The following ZBTB20 variants were observed in gnomAD, a reference collection of about 807,000 sequenced individuals.
The protein encoded by ZBTB20 is zinc finger and BTB domain-containing protein 20.
ZBTB20 carries 9 observed loss-of-function variants against 56.9 expected under a neutral mutation model. The observed-to-expected ratio is 0.16, with a 90% CI of 0.10 to 0.28. ZBTB20 has a LOEUF of 0.28. ZBTB20 is among the 10% of genes least tolerant of loss of function. ZBTB20 has a pLI of 1.00. For missense variants in ZBTB20, 655 were observed against 1,003.0 expected (o/e 0.65, Z 4.69); for synonymous variants, 417 against 420.7 (o/e 0.99, Z 0.11).
chr3:115,006,757 A>G (rs2079490097), intron 2 of ZBTB20, among the ~76,000 whole-genome samples: 1 of 151,756 alleles, frequency 6.6e-6, no homozygotes, highest in South Asian at 2.1e-4. Flanking sequence ...GGAGGAACTA[A>G]GTACCTTTTA....
intron 5 of ZBTB20, among the ~76,000 whole-genome samples, chr3:114,790,618 C>G (rs1366986706): frequency 6.7e-6 from 1 of 148,892 alleles, no homozygotes; most frequent in African/African-American, 2.5e-5. Flanking sequence ...ACAAATTTTA[C>G]TAAAAGTATT....
chr3:114,652,448 A>G (rs2060185143), intron 6 of ZBTB20, among the ~76,000 whole-genome samples: 1 of 152,076 alleles, frequency 6.6e-6, no homozygotes. Flanking sequence ...TTACAAATAA[A>G]GTCAGTATAA....
chr3:114,501,352 C>T (rs1457924532), intron 6 of ZBTB20, among the ~76,000 whole-genome samples: 7 of 152,126 alleles, frequency 4.6e-5, no homozygotes, highest in Non-Finnish European at 7.3e-5. Context: ...AGGCTAGGCG[C>T]GGTGGCTCAC....
At chr3:114,436,336 T>C (rs2090514178) in intron 7 of ZBTB20, among the ~76,000 whole-genome samples, 1 of 152,008 alleles carries the variant, frequency 6.6e-6, no homozygotes, top group African/African-American at 2.4e-5. Context: ...AAAAGCTAGA[T>C]CTCCCTAGAG....
At chr3:114,776,391 A>G (rs1057445958) in intron 5 of ZBTB20, among the ~76,000 whole-genome samples, 8 of 152,208 alleles carry the variant, frequency 5.3e-5, no homozygotes, top group African/African-American at 1.9e-4. Flanking sequence ...CCACATGGAC[A>G]GAAGAGGCCA....
chr3:114,324,535 T>C lies in ZBTB20; in HGVS notation c.*14470A>G, dbSNP rs769068075. 7 of 151,932 alleles carry C rather than the reference T, an allele frequency of 4.6e-5. No individual in the cohort carries two copies. The highest frequency in any genetic ancestry group is 8.8e-5 in the Non-Finnish European group (6 of 67,966). The allele number at this position is 151,932 out of a possible 1,614,324, so 9.4% of individuals were successfully genotyped here. On this transcript the variant is annotated 3_prime_UTR_variant, in exon 12 of 12. Coordinates refer to ENST00000675478, the MANE Select transcript of ZBTB20 (RefSeq NM_001348800.3). ...GACTACACATAAATACAGATATACATACACATACACAGAAATTCTCAAGGC... is the reference window on the plus strand; with the variant it reads ...GACTACACATAAATACAGATATACACACACATACACAGAAATTCTCAAGGC...
intron 5 of ZBTB20, among the ~76,000 whole-genome samples, chr3:114,733,273 G>A (rs1329367627): frequency 1.3e-5 from 2 of 152,136 alleles, no homozygotes; most frequent in Non-Finnish European, 2.9e-5. Context: ...AATAAGGCTT[G>A]ACTTTCATAA....
intron 7 of ZBTB20, among the ~76,000 whole-genome samples, chr3:114,406,131 C>G (rs1245978047): frequency 1.3e-5 from 2 of 152,078 alleles, no homozygotes; most frequent in Non-Finnish European, 2.9e-5. Context: ...ACTGTAAACA[C>G]TTAGCTGTCA....
intron 5 of ZBTB20, among the ~76,000 whole-genome samples, chr3:114,765,511 C>T (rs1168944792): frequency 6.6e-6 from 1 of 152,040 alleles, no homozygotes; most frequent in African/African-American, 2.4e-5. Context: ...AAACAGATTC[C>T]CTCCCACAAC....
intron 6 of ZBTB20, among the ~76,000 whole-genome samples, chr3:114,683,720 C>T (rs2062134346): frequency 6.6e-6 from 1 of 151,922 alleles, no homozygotes. Flanking sequence ...CCCCACTCTC[C>T]CCATCCTAGA....
At chr3:114,859,342 T>C (rs2075401195) in intron 4 of ZBTB20, among the ~76,000 whole-genome samples, 1 of 150,262 alleles carries the variant, frequency 6.7e-6, no homozygotes, top group Admixed American at 6.6e-5. Flanking sequence ...CTTCTTTCCT[T>C]TTTCCTCTCT....
At chr3:114,548,512 A>C (rs995532026) in intron 6 of ZBTB20, among the ~76,000 whole-genome samples, 14 of 144,488 alleles carry the variant, frequency 9.7e-5, no homozygotes, top group South Asian at 8.7e-4. Flanking sequence ...TTTTCTTTTT[A>C]TTTTCTTTTT....
In ZBTB20 at chr3:114,321,774, GGA is replaced by G. The variant is rs1407316101; in HGVS notation, c.*17229_*17230del. On this transcript the variant is annotated 3_prime_UTR_variant, in exon 12 of 12. Transcript: ENST00000675478. ...TCTCAGTCAGTTGCTCCAGTTTAAAGGAGAGTTTAGAATCTAGTGCAAATATC... is the reference window on the plus strand; with the variant it reads ...TCTCAGTCAGTTGCTCCAGTTTAAAGGAGTTTAGAATCTAGTGCAAATATC... 1 of 152,170 alleles carries G rather than the reference GGA, an allele frequency of 6.6e-6. No individual in the cohort carries two copies. Among genetic ancestry groups the G allele is most frequent in the East Asian group, 1.9e-4 (1 of 5,192 alleles). The allele number at this position is 152,170 out of a possible 1,614,324, so 9.4% of individuals were successfully genotyped here. A position where few individuals can be genotyped will look rare whatever the true frequency, so the allele number is the denominator to read the frequency against.
At chr3:114,811,112 G>A (rs1344771205) in intron 4 of ZBTB20, among the ~76,000 whole-genome samples, 1 of 152,164 alleles carries the variant, frequency 6.6e-6, no homozygotes, top group Non-Finnish European at 1.5e-5. Context: ...CTAAGCAATT[G>A]TAAAGAATAT....
At chr3:114,950,949 T>C (rs942601652) in intron 3 of ZBTB20, among the ~76,000 whole-genome samples, 3 of 152,148 alleles carry the variant, frequency 2.0e-5, no homozygotes, top group African/African-American at 4.8e-5. Context: ...CAGAAGAATA[T>C]ATAATCACAT....
intron 1 of ZBTB20, among the ~76,000 whole-genome samples, chr3:115,081,718 T>C (rs566429155): frequency 6.6e-6 from 1 of 152,268 alleles, no homozygotes; most frequent in Non-Finnish European, 1.5e-5. Context: ...AAATCTATTA[T>C]CAGACAGATC....
At chr3:114,884,481 G>A (rs573651471) in intron 4 of ZBTB20, among the ~76,000 whole-genome samples, 1 of 152,132 alleles carries the variant, frequency 6.6e-6, no homozygotes, top group East Asian at 1.9e-4. Flanking sequence ...GTATAACATC[G>A]AGCAATGGGA....
intron 6 of ZBTB20, among the ~76,000 whole-genome samples, chr3:114,502,246 A>C (rs1484448745): frequency 6.6e-6 from 1 of 152,234 alleles, no homozygotes; most frequent in East Asian, 1.9e-4. Context: ...TCACTAAAGG[A>C]GATCAAGTAG....
intron 2 of ZBTB20, among the ~76,000 whole-genome samples, chr3:115,046,670 T>C (rs2081345230): frequency 6.6e-6 from 1 of 152,340 alleles, no homozygotes; most frequent in Middle Eastern, 3.4e-3. Flanking sequence ...CATTTTTTCA[T>C]TCATAGTTGC....
Sources: allele counts gnomAD v4.1 joint callset (sites outside exome capture counted in the v4.1 genomes callset), GRCh38; gene constraint gnomAD v4.1.1; transcripts MANE v1.5; gene names NCBI Gene and HGNC (gene_info 2026-07-23, HGNC 2026-07-21).